UMAD1: variants seen among roughly 807,000 people sequenced by gnomAD.
UMAD1 encodes UBAP1-MVB12-associated (UMA) domain containing 1.
A neutral mutation model predicts 6.1 loss-of-function variants in UMAD1; 8 were observed. The ratio of observed to expected loss-of-function variants is 1.30; its 90% CI spans 0.76 to 2.35. The LOEUF is 2.35. UMAD1 is among the 30% of genes most tolerant of loss of function. UMAD1 has a pLI of 0.00. For missense variants in UMAD1, 130 were observed against 78.4 expected (o/e 1.66, Z -2.49); for synonymous variants, 56 against 31.4 (o/e 1.78, Z -2.61).
chr7:7,747,677 C>G (rs1781598032), intron 2 of UMAD1, among the ~76,000 whole-genome samples: 1 of 152,174 alleles, frequency 6.6e-6, no homozygotes, highest in African/African-American at 2.4e-5. Flanking sequence ...TTGGTCCTTT[C>G]ATCTCTAGCA....
intron 3 of UMAD1, 114 bp downstream of exon 3, chr7:7,801,857 T>C: frequency 1.6e-6 from 1 of 641,462 alleles, no homozygotes; most frequent in South Asian, 1.9e-5. Flanking sequence ...GGTGCCTGAA[T>C]ACAGGGAAAC....
At chr7:7,728,973 C>G (rs1781195625) in intron 2 of UMAD1, among the ~76,000 whole-genome samples, 1 of 152,144 alleles carries the variant, frequency 6.6e-6, no homozygotes, top group African/African-American at 2.4e-5. Flanking sequence ...ATACGACAAC[C>G]TAAATAAGTG....
intron 2 of UMAD1, among the ~76,000 whole-genome samples, chr7:7,776,654 TATA>T (rs758828583): frequency 8.5e-4 from 129 of 152,222 alleles, no homozygotes; most frequent in Admixed American, 2.2e-3. Flanking sequence ...TAATTAAATC[TATA>T]ATAACGGTTA....
At chr7:7,808,923 T>C (rs1443052885) in intron 3 of UMAD1, among the ~76,000 whole-genome samples, 1 of 151,942 alleles carries the variant, frequency 6.6e-6, no homozygotes, top group African/African-American at 2.4e-5. Flanking sequence ...GCTGGTGGTA[T>C]TGAGATACTC....
At chr7:7,683,751 T>C (rs185861345) in intron 2 of UMAD1, among the ~76,000 whole-genome samples, 8 of 152,162 alleles carry the variant, frequency 5.3e-5, no homozygotes, top group Admixed American at 3.9e-4. Context: ...GCCTCCCAAG[T>C]AGCTGGGATT....
rs1163906879 is a variant in UMAD1, at chr7:7,662,024, G to GA, written c.-63-11284dup. ...GCCCTACACAGAGAGGAGGAATCTA[G>GA]AGAGGCAGTCTGGCTACAGCGGCTT... On this transcript the variant is annotated intron_variant, in intron 1 of 3. Transcript: ENST00000682710. Among the ~76,000 whole-genome samples, 4 of 152,202 alleles carry GA rather than the reference G, an allele frequency of 2.6e-5. No individual in the cohort carries two copies. In the East Asian group the frequency reaches 7.7e-4, roughly 29 times the overall value.
intron 3 of UMAD1, among the ~76,000 whole-genome samples, chr7:7,855,371 G>A (rs1217607668): frequency 6.6e-6 from 1 of 152,234 alleles, no homozygotes; most frequent in South Asian, 2.1e-4. Context: ...ACATCCAGGA[G>A]TTTCCATACA....
At chr7:7,815,773 G>C (rs1173309560) in intron 3 of UMAD1, among the ~76,000 whole-genome samples, 2 of 152,128 alleles carry the variant, frequency 1.3e-5, no homozygotes, top group East Asian at 3.8e-4. Flanking sequence ...ACTTTAGCTT[G>C]GTACTTTGCT....
intron 1 of UMAD1, among the ~76,000 whole-genome samples, chr7:7,644,277 T>C (rs997360812): frequency 6.6e-6 from 1 of 152,114 alleles, no homozygotes; most frequent in African/African-American, 2.4e-5. Flanking sequence ...TAAGAGCTTT[T>C]TATTAGTGAG....
intron 2 of UMAD1, among the ~76,000 whole-genome samples, chr7:7,720,678 TTTGTTTTTTTG>T (rs1468823071): frequency 2.0e-5 from 3 of 152,172 alleles, no homozygotes; most frequent in Non-Finnish European, 4.4e-5. Context: ...AAGAAGCCAA[TTTGTTTTTTTG>T]TGTATTTTTA....
At chr7:7,723,996 A>G (rs888402082) in intron 2 of UMAD1, among the ~76,000 whole-genome samples, 3 of 152,202 alleles carry the variant, frequency 2.0e-5, no homozygotes, top group Admixed American at 6.5e-5. Context: ...TGGCTCCTCA[A>G]TCAATTTCCA....
intron 2 of UMAD1, among the ~76,000 whole-genome samples, chr7:7,782,404 A>G (rs970273852): frequency 1.3e-5 from 2 of 152,168 alleles, no homozygotes; most frequent in Non-Finnish European, 2.9e-5. Flanking sequence ...AGATACCAGT[A>G]TTTGTGTCAG....
At chr7:7,855,355 G>A (rs184666665) in intron 3 of UMAD1, among the ~76,000 whole-genome samples, 1 of 152,380 alleles carries the variant, frequency 6.6e-6, no homozygotes, top group East Asian at 1.9e-4. Flanking sequence ...GCAAACTTCT[G>A]TCTGGACATC....
intron 3 of UMAD1, among the ~76,000 whole-genome samples, chr7:7,835,548 T>C (rs916111711): frequency 6.9e-6 from 1 of 144,388 alleles, no homozygotes; most frequent in African/African-American, 2.6e-5. Flanking sequence ...TGGTCCTTTC[T>C]TGGGAAGTTT....
chr7:7,676,272 C>G, intron 2 of UMAD1: 1 of 397,772 alleles, frequency 2.5e-6, no homozygotes, highest in African/African-American at 2.1e-5. Context: ...CGGTACCTAC[C>G]CCATGAAGTT....
rs867289339 is a variant in UMAD1 at position 7,827,224 on chromosome 7, G to A, written c.156+25481G>A. 4.6e-5 allele frequency among the ~76,000 whole-genome samples: 7 copies of A among 150,856 alleles called. No homozygotes were observed. The South Asian group carries it at 1.5e-3, about 31-fold the overall frequency. On this transcript the variant is annotated intron_variant, in intron 3 of 3. Coordinates refer to ENST00000682710, the MANE Select transcript of UMAD1 (RefSeq NM_001302348.2). The stretch of plus-strand genomic sequence containing the variant: ...ATGGAATATTATAGCATATGATTTT[G>A]TGTTAATCATGTAGTAAAAATAAAA...
At chr7:7,712,999 T>A (rs1247692018) in intron 2 of UMAD1, among the ~76,000 whole-genome samples, 1 of 152,094 alleles carries the variant, frequency 6.6e-6, no homozygotes, top group African/African-American at 2.4e-5. Flanking sequence ...GACTAGCCTA[T>A]TGTGTCAATT....
chr7:7,850,381 G>T (rs748422806), intron 3 of UMAD1, among the ~76,000 whole-genome samples: 1 of 151,940 alleles, frequency 6.6e-6, no homozygotes, highest in Non-Finnish European at 1.5e-5. Flanking sequence ...ACATGAACAA[G>T]CTAAGCTCTT....
At chr7:7,806,757 T>C (rs969271398) in intron 3 of UMAD1, among the ~76,000 whole-genome samples, 8 of 152,180 alleles carry the variant, frequency 5.3e-5, no homozygotes, top group African/African-American at 1.9e-4. Flanking sequence ...TATATATACA[T>C]CTGATTAAGA....
Sources: allele counts gnomAD v4.1 joint callset (sites outside exome capture counted in the v4.1 genomes callset), GRCh38; gene constraint gnomAD v4.1.1; transcripts MANE v1.5; gene names NCBI Gene and HGNC (gene_info 2026-07-23, HGNC 2026-07-21).